Variants in SLC16A7 observed in about 807,000 individuals in gnomAD.
The protein encoded by SLC16A7 is solute carrier family 16 member 7, also known as monocarboxylate transporter 2.
In SLC16A7, 33 loss-of-function variants were observed where a neutral mutation model predicts 34.9. The observed-to-expected ratio is 0.94, with a 90% CI of 0.72 to 1.26. SLC16A7 has a LOEUF of 1.26. Among genes scored for constraint, SLC16A7 ranks in the 50% most tolerant of loss-of-function variants. The probability of loss-of-function intolerance (pLI) is 0.00; values close to 1 mark genes in which losing one functional copy is unlikely to be tolerated. For synonymous variants in SLC16A7, 201 were observed against 206.6 expected (o/e 0.97, Z 0.23); for missense variants, 573 against 578.1 (o/e 0.99, Z 0.09).
At chr12:59,600,030 A>G (rs1004788727) in intron 1 of SLC16A7, among the ~76,000 whole-genome samples, 1 of 152,286 alleles carries the variant, frequency 6.6e-6, no homozygotes, top group African/African-American at 2.4e-5. Context: ...TAGCTTTGCC[A>G]CTTATCAACA....
intron 3 of SLC16A7, among the ~76,000 whole-genome samples, chr12:59,716,442 G>T (rs536853737): frequency 5.9e-4 from 90 of 152,286 alleles, no homozygotes; most frequent in African/African-American, 2.2e-3. Flanking sequence ...GAACAAAGGG[G>T]AGCAAAAGGA....
At chr12:59,745,312 T>G (rs1465534382) in intron 3 of SLC16A7, among the ~76,000 whole-genome samples, 2 of 152,222 alleles carry the variant, frequency 1.3e-5, no homozygotes, top group Admixed American at 1.3e-4. Context: ...CATAAAGTAT[T>G]AGCAAAAGAA....
intron 3 of SLC16A7, chr12:59,733,778 G>A (rs1480005956): frequency 2.2e-6 from 1 of 456,080 alleles, no homozygotes; most frequent in East Asian, 7.0e-5. Flanking sequence ...CGGAGAGCGA[G>A]CAAGGCAGAG....
chr12:59,756,953 G>C, intron 3 of SLC16A7, among the ~76,000 whole-genome samples: 1 of 139,328 alleles, frequency 7.2e-6, no homozygotes, highest in Non-Finnish European at 1.5e-5. Context: ...CATGTCCTTT[G>C]TAGGGACATG....
At chr12:59,757,047 A>C (rs1232416083) in intron 3 of SLC16A7, among the ~76,000 whole-genome samples, 2 of 139,446 alleles carry the variant, frequency 1.4e-5, no homozygotes, top group Non-Finnish European at 3.0e-5. Context: ...ATAGGTGGGA[A>C]TTGAACAATG....
At chr12:59,666,799 G>A (rs1200581707) in intron 2 of SLC16A7, among the ~76,000 whole-genome samples, 2 of 152,158 alleles carry the variant, frequency 1.3e-5, no homozygotes, top group Non-Finnish European at 2.9e-5. Flanking sequence ...CATAAGAACA[G>A]ACTAATATAG....
At chr12:59,742,615 A>G (rs949401228) in intron 3 of SLC16A7, among the ~76,000 whole-genome samples, 11 of 152,382 alleles carry the variant, frequency 7.2e-5, no homozygotes, top group Middle Eastern at 3.4e-3. Flanking sequence ...GAAAATGTAT[A>G]GAGAGGTTTG....
At position 59,725,733 on chromosome 12, in the gene SLC16A7, G is replaced by T. The variant is rs146655057; in HGVS notation, c.217+20715G>T. Among the ~76,000 whole-genome samples the T allele has an allele frequency of 1.4e-3, 211 of 152,164 alleles. 1 individual carries two copies. The highest frequency in any genetic ancestry group is 6.8e-3 in the Middle Eastern group (2 of 294). ...GTTTGAGCCTTTCAAAAAATATGAAGTTATTCCATCACTGTCCTTAGTATT... is the reference window on the plus strand; with the variant it reads ...GTTTGAGCCTTTCAAAAAATATGAATTTATTCCATCACTGTCCTTAGTATT... On this transcript the variant is annotated intron_variant, in intron 3 of 5. Coordinates refer to ENST00000547379, the MANE Select transcript of SLC16A7 (RefSeq NM_001270623.2).
At chr12:59,747,750 G>A (rs945545289) in intron 3 of SLC16A7, among the ~76,000 whole-genome samples, 4 of 152,194 alleles carry the variant, frequency 2.6e-5, no homozygotes, top group South Asian at 2.1e-4. Flanking sequence ...TTGTATAACC[G>A]GAAGCTGTGT....
At position 59,781,707 on chromosome 12, in the gene SLC16A7, T is replaced by C. The variant is rs1266340468; in HGVS notation, c.*2028T>C. On this transcript the variant is annotated 3_prime_UTR_variant, in exon 6 of 6. Transcript: ENST00000547379. ...TGTTTATATTTTTAGTTCTTTTTTA[T>C]TCAACTCAGATTTGTCAAGAAATGT... 1 of 152,578 alleles carries C rather than the reference T, an allele frequency of 6.6e-6. No individual in the cohort carries two copies. Among genetic ancestry groups the C allele is most frequent in the Non-Finnish European group, 1.5e-5 (1 of 68,018 alleles). 9.5% of individuals were successfully genotyped at this position (152,578 alleles called of 1,614,324 possible).
At chr12:59,616,126 T>C (rs889636433) in intron 1 of SLC16A7, among the ~76,000 whole-genome samples, 5 of 152,218 alleles carry the variant, frequency 3.3e-5, no homozygotes, top group African/African-American at 7.2e-5. Flanking sequence ...CTTTACCACC[T>C]TGGGCCTGTA....
chr12:59,703,469 C>T (rs1358149525), intron 2 of SLC16A7, among the ~76,000 whole-genome samples: 1 of 151,330 alleles, frequency 6.6e-6, no homozygotes, highest in African/African-American at 2.4e-5. Context: ...TAGATACAAG[C>T]AAATATATAA....
Position 59,788,617 on chromosome 12 carries a change from A to G in SLC16A7, c.*8938A>G, listed in dbSNP as rs1362633576. ...AAAATACCTGTCAAAGTTTTAAAAT[A>G]TAAGATAGAACCTTCTTTTTTTGCC... On this transcript the variant is annotated 3_prime_UTR_variant, in exon 6 of 6. Transcript: ENST00000547379. 2.0e-5 allele frequency: 3 copies of G among 152,174 alleles called. No individual in the cohort carries two copies. Among genetic ancestry groups the G allele is most frequent in the Middle Eastern group, 3.4e-3 (1 of 292 alleles). 9.4% of individuals were successfully genotyped at this position (152,174 alleles called of 1,614,324 possible).
chr12:59,673,802 T>G (rs1483440805), intron 2 of SLC16A7, among the ~76,000 whole-genome samples: 1 of 152,144 alleles, frequency 6.6e-6, no homozygotes, highest in Non-Finnish European at 1.5e-5. Context: ...GGGACATCAT[T>G]GGTTATCTAA....
intron 2 of SLC16A7, among the ~76,000 whole-genome samples, chr12:59,683,082 A>G (rs1870877335): frequency 6.6e-6 from 1 of 152,112 alleles, no homozygotes; most frequent in East Asian, 1.9e-4. Flanking sequence ...AAAAAATTGC[A>G]TATTGACATA....
chr12:59,735,256 A>G (rs1456619578), intron 3 of SLC16A7, among the ~76,000 whole-genome samples: 1 of 152,204 alleles, frequency 6.6e-6, no homozygotes, highest in Non-Finnish European at 1.5e-5. Flanking sequence ...TATTATTCTC[A>G]TCACAAGCTT....
chr12:59,770,422 C>T (rs548176889), intron 3 of SLC16A7, among the ~76,000 whole-genome samples: 2 of 152,200 alleles, frequency 1.3e-5, no homozygotes, highest in East Asian at 3.9e-4. Context: ...TTTGATGTTG[C>T]TATTTACTCC....
At chr12:59,681,427 C>G (rs1004286504) in intron 2 of SLC16A7, among the ~76,000 whole-genome samples, 1 of 151,918 alleles carries the variant, frequency 6.6e-6, no homozygotes, top group African/African-American at 2.4e-5. Context: ...AGTTGGGAGT[C>G]CCAGCTTTAC....
At chr12:59,656,229 A>C (rs2137024293) in intron 2 of SLC16A7, among the ~76,000 whole-genome samples, 1 of 151,982 alleles carries the variant, frequency 6.6e-6, no homozygotes, top group African/African-American at 2.4e-5. Context: ...AGAATAATGG[A>C]CCCCCACATT....
Sources: allele counts gnomAD v4.1 joint callset (sites outside exome capture counted in the v4.1 genomes callset), GRCh38; gene constraint gnomAD v4.1.1; transcripts MANE v1.5; gene names NCBI Gene and HGNC (gene_info 2026-07-23, HGNC 2026-07-21).